The following NRXN1 variants were observed in gnomAD, a reference collection of about 807,000 sequenced individuals.
The protein encoded by NRXN1 is neurexin-1.
Under a neutral mutation model 150.9 loss-of-function variants are expected in NRXN1, and 39 were observed. The ratio of observed to expected loss-of-function variants is 0.26; its 90% confidence interval spans 0.20 to 0.34. The LOEUF is 0.34. Among genes scored for constraint, NRXN1 ranks in the 10% least tolerant of loss-of-function variants. The pLI, the probability that NRXN1 is intolerant of heterozygous loss-of-function variation, is 1.00. For missense variants in NRXN1, 1,815 were observed against 1,949.9 expected, an observed-to-expected ratio of 0.93 and a Z score of 1.30; for synonymous variants, 924 against 757.0, an observed-to-expected ratio of 1.22 and a Z score of -3.62.
At chr2:50,891,419 T>C (rs961091958) in intron 5 of NRXN1, among the ~76,000 whole-genome samples, 2 of 152,028 alleles carry the variant, frequency 1.3e-5, no homozygotes, top group African/African-American at 2.4e-5. Context: ...CACTTTATAG[T>C]AGACATAAAT....
chr2:50,116,855 T>G (rs1218777239), intron 18 of NRXN1, among the ~76,000 whole-genome samples: 1 of 152,146 alleles, frequency 6.6e-6, no homozygotes, highest in Non-Finnish European at 1.5e-5. Context: ...GGGTGGTTTT[T>G]CTTAAGCATT....
intron 18 of NRXN1, among the ~76,000 whole-genome samples, chr2:50,134,273 G>GAAAA (rs59985780): frequency 3.8e-4 from 37 of 96,424 alleles, no homozygotes; most frequent in East Asian, 1.4e-3. Context: ...AAAGTAACCA[G>GAAAA]AAAAAAAAAA....
At chr2:50,408,927 T>C (rs7560724) in intron 17 of NRXN1, among the ~76,000 whole-genome samples, 43,577 of 151,216 alleles carry the variant, frequency 0.29, 9,356 homozygotes, top group African/African-American at 0.59. Flanking sequence ...TCATGCATAG[T>C]ATGAGGGGAC....
At chr2:50,115,244 C>A (rs915770982) in intron 18 of NRXN1, among the ~76,000 whole-genome samples, 4 of 122,318 alleles carry the variant, frequency 3.3e-5, no homozygotes, top group Non-Finnish European at 5.3e-5. Context: ...TATATATACA[C>A]ACACACACAT....
intron 18 of NRXN1, among the ~76,000 whole-genome samples, chr2:50,149,373 T>C (rs935110538): frequency 7.3e-5 from 11 of 151,672 alleles, no homozygotes; most frequent in African/African-American, 2.2e-4. Context: ...CCACACCAAA[T>C]TGTCACCACT....
intron 17 of NRXN1, among the ~76,000 whole-genome samples, chr2:50,323,349 G>A (rs561709815): frequency 1.3e-5 from 2 of 152,166 alleles, no homozygotes; most frequent in East Asian, 3.9e-4. Context: ...CTGTCAGTCT[G>A]GGGACCACAT....
At chr2:49,954,251 T>C (rs899567588) in intron 21 of NRXN1, among the ~76,000 whole-genome samples, 16 of 152,248 alleles carry the variant, frequency 1.1e-4, no homozygotes, top group African/African-American at 3.8e-4. Context: ...TATGCCAGCA[T>C]TGAATTCATT....
chr2:49,969,912 T>G, intron 21 of NRXN1: 1 of 152,174 alleles, frequency 6.6e-6, no homozygotes, highest in East Asian at 1.9e-4. Context: ...AAATCTGAAA[T>G]AGGCTTAGAG....
intron 18 of NRXN1, among the ~76,000 whole-genome samples, chr2:50,130,023 T>G (rs1394030435): frequency 2.6e-5 from 4 of 152,306 alleles, no homozygotes; most frequent in South Asian, 2.1e-4. Context: ...TGTTATCTCA[T>G]TTTTTCTTCC....
intron 17 of NRXN1, among the ~76,000 whole-genome samples, chr2:50,240,336 C>G (rs1306975671): frequency 6.6e-6 from 1 of 151,734 alleles, no homozygotes; most frequent in Non-Finnish European, 1.5e-5. Flanking sequence ...TTGTATTGTA[C>G]TCATCAGCAC....
intron 17 of NRXN1, among the ~76,000 whole-genome samples, chr2:50,288,543 G>T (rs1028409399): frequency 1.3e-5 from 2 of 152,180 alleles, no homozygotes; most frequent in Admixed American, 6.6e-5. Flanking sequence ...ATAAAGGAAA[G>T]AGGTTTAATT....
In NRXN1 at chr2:50,497,361, C is replaced by A. The variant is rs2091693540; in HGVS notation, c.2851G>T (p.Asp951Tyr). The A allele has an allele frequency of 6.5e-7, 1 of 1,548,578 alleles. No individual in the cohort carries two copies. The highest frequency in any genetic ancestry group is 1.3e-5 in the South Asian group (1 of 79,324). Residue 951 changes from aspartate (D) to tyrosine (Y), a missense_variant, in exon 14 of 23, where the codon GAC (aspartate) becomes TAC (tyrosine). Transcript: ENST00000401669. Reference sequence around the variant, plus strand: ...TTAACTAATTCAACCACAATAAAGTCATTTCCATCCCCACTGTTATATAGA... The same window carrying A: ...TTAACTAATTCAACCACAATAAAGTAATTTCCATCCCCACTGTTATATAGA... ...LILYNSGDGNDFIVVELVKGY... is the reference protein window; with the variant it reads ...LILYNSGDGNYFIVVELVKGY...
At chr2:50,726,818 CA>C (rs1697418528) in intron 5 of NRXN1, among the ~76,000 whole-genome samples, 1 of 152,034 alleles carries the variant, frequency 6.6e-6, no homozygotes. Flanking sequence ...ATAAGGGTAA[CA>C]AAAATTATTC....
intron 2 of NRXN1, among the ~76,000 whole-genome samples, chr2:51,012,537 G>T (rs982053699): frequency 1.3e-5 from 2 of 152,032 alleles, no homozygotes; most frequent in Non-Finnish European, 2.9e-5. Flanking sequence ...TTAATAGTGA[G>T]TTTTATTCGT....
chr2:50,200,332 C>T (rs886290074), intron 18 of NRXN1, among the ~76,000 whole-genome samples: 2 of 152,106 alleles, frequency 1.3e-5, no homozygotes, highest in Non-Finnish European at 2.9e-5. Context: ...GTTTTATCTA[C>T]TGTCTGGAGT....
At chr2:50,335,424 A>G (rs2077115875) in intron 17 of NRXN1, among the ~76,000 whole-genome samples, 2 of 152,180 alleles carry the variant, frequency 1.3e-5, no homozygotes. Flanking sequence ...CCAGCCAGGT[A>G]AAGATAGCTT....
chr2:50,528,724 T>C, intron 11 of NRXN1, 73 bp from the exon 12 acceptor site: 1 of 912,564 alleles, frequency 1.1e-6, no homozygotes, highest in East Asian at 2.6e-5. Context: ...CCAATAAAAT[T>C]ACAGTCCACC....
intron 17 of NRXN1, among the ~76,000 whole-genome samples, chr2:50,423,948 C>A (rs2104289111): frequency 6.6e-6 from 1 of 152,112 alleles, no homozygotes; most frequent in East Asian, 1.9e-4. Context: ...ATCTCCTTTG[C>A]CCACTTCCAG....
intron 17 of NRXN1, among the ~76,000 whole-genome samples, chr2:50,249,445 C>T (rs2152896223): frequency 6.6e-6 from 1 of 151,914 alleles, no homozygotes; most frequent in East Asian, 1.9e-4. Context: ...TTGCTGGAGA[C>T]AGAATACAAA....
Sources: allele counts gnomAD v4.1 joint callset (sites outside exome capture counted in the v4.1 genomes callset), GRCh38; gene constraint gnomAD v4.1.1; transcripts MANE v1.5; gene names NCBI Gene and HGNC (gene_info 2026-07-23, HGNC 2026-07-21).